Variants in PCDHA12 observed in about 807,000 individuals in gnomAD.
PCDHA12 encodes the protein protocadherin alpha 12.
In PCDHA12, 44 loss-of-function variants were observed where a neutral mutation model predicts 60.0. The observed-to-expected ratio is 0.73, with a 90% CI of 0.58 to 0.94. PCDHA12 has a LOEUF of 0.94. Ranked by LOEUF, PCDHA12 falls within the 40% of genes least tolerant of loss-of-function variation. The pLI is 0.00. For missense variants in PCDHA12, 1,276 were observed against 1,239.7 expected (o/e 1.03, Z -0.44); for synonymous variants, 569 against 553.0 (o/e 1.03, Z -0.40).
chr5:140,927,077 G>C (rs568623488), intron 1 of PCDHA12: 29 of 1,610,728 alleles, frequency 1.8e-5, no homozygotes, highest in Non-Finnish European at 2.5e-5. Flanking sequence ...TCCAGCCACC[G>C]CGAGCTCTAC....
intron 1 of PCDHA12, among the ~76,000 whole-genome samples, chr5:140,906,235 C>G (rs1319955366): frequency 1.3e-5 from 2 of 152,174 alleles, no homozygotes; most frequent in African/African-American, 4.8e-5. Flanking sequence ...CTCCCCTTGT[C>G]AACTTGAACC....
chr5:140,898,423 C>T (rs1257208141), intron 1 of PCDHA12, among the ~76,000 whole-genome samples: 1 of 152,106 alleles, frequency 6.6e-6, no homozygotes, highest in African/African-American at 2.4e-5. Flanking sequence ...GCCAGTTTTC[C>T]CAGCACCATT....
At chr5:140,991,205 A>C (rs1403144779) in intron 3 of PCDHA12, among the ~76,000 whole-genome samples, 3 of 152,226 alleles carry the variant, frequency 2.0e-5, no homozygotes, top group Admixed American at 2.0e-4. Context: ...TGCTCAATAA[A>C]TTTTGTTAAA....
intron 3 of PCDHA12, among the ~76,000 whole-genome samples, chr5:140,999,091 T>A (rs1342614556): frequency 2.0e-5 from 3 of 152,208 alleles, no homozygotes; most frequent in African/African-American, 7.2e-5. Flanking sequence ...TTCAGAGGGC[T>A]ATGGAGAGTA....
intron 3 of PCDHA12, among the ~76,000 whole-genome samples, chr5:140,991,152 C>T (rs533894396): frequency 4.1e-4 from 63 of 152,168 alleles, no homozygotes; most frequent in South Asian, 1.0e-3. Flanking sequence ...TTTTGCTCAC[C>T]ATTGTATTCC....
intron 1 of PCDHA12, chr5:140,929,119 G>T (rs2085835460): frequency 1.2e-6 from 2 of 1,614,192 alleles, no homozygotes; most frequent in Non-Finnish European, 1.7e-6. Context: ...AGCCACCATA[G>T]ATGTCACTAC....
intron 1 of PCDHA12, chr5:140,968,130 T>C: frequency 6.2e-7 from 1 of 1,614,114 alleles, no homozygotes; most frequent in Non-Finnish European, 8.5e-7. Flanking sequence ...CTGCGTACAC[T>C]GAAGGTTGAG....
At chr5:140,941,239 C>CTTTCTTTCTTTCT in intron 1 of PCDHA12, among the ~76,000 whole-genome samples, 1 of 134,600 alleles carries the variant, frequency 7.4e-6, no homozygotes, top group South Asian at 2.4e-4. Flanking sequence ...TTCTTTCTTT[C>CTTTCTTTCTTTCT]TTTCTTTCTT....
intron 1 of PCDHA12, among the ~76,000 whole-genome samples, chr5:140,922,582 G>T (rs548638056): frequency 6.6e-5 from 10 of 152,160 alleles, no homozygotes; most frequent in Non-Finnish European, 1.5e-4. Flanking sequence ...CCCTGTAGCC[G>T]CCAGTTCTCA....
rs1210767626 is a variant in PCDHA12 at position 141,010,197 on chromosome 5, C to T, written c.*260C>T. 1 of 1,552,200 alleles carries T rather than the reference C, an allele frequency of 6.4e-7. No homozygotes were observed. The highest frequency in any genetic ancestry group is 1.2e-5 in the South Asian group (1 of 84,134). On this transcript the variant is annotated 3_prime_UTR_variant, in exon 4 of 4. Coordinates refer to ENST00000398631, the MANE Select transcript of PCDHA12 (RefSeq NM_018903.4). ...AAAAGCAGACCCAAGTTTCCTTTCT[C>T]CTCCGCCGCAAAGGAGAGGCTTCCC...
chr5:140,966,620 G>A lies in PCDHA12; in HGVS notation c.2368-12329G>A, dbSNP rs2096027901. 8 of 837,888 alleles carry A rather than the reference G, an allele frequency of 9.5e-6. No homozygotes were observed. The East Asian group carries it at 2.6e-4, about 27-fold the overall frequency. 51.9% of individuals were successfully genotyped at this position (837,888 alleles called of 1,614,324 possible). A position where few individuals can be genotyped will look rare whatever the true frequency, so the allele number is the denominator to read the frequency against. On this transcript the variant is annotated intron_variant, in intron 1 of 3. Transcript: ENST00000398631. ...GAGCCCTTGGGAGGGCCTACGGAGG[G>A]AGCGGCCCCAGGCGCTTTCTAGAGC...
chr5:140,906,459 A>G (rs1217443805), intron 1 of PCDHA12, among the ~76,000 whole-genome samples: 1 of 152,236 alleles, frequency 6.6e-6, no homozygotes. Context: ...AAATGAAGAT[A>G]TTTTCTTAGT....
chr5:141,008,654 C>T (rs1554261865), intron 3 of PCDHA12, among the ~76,000 whole-genome samples: 1 of 152,124 alleles, frequency 6.6e-6, no homozygotes, highest in Non-Finnish European at 1.5e-5. Context: ...TTCTGGAGTC[C>T]CACAATACTT....
intron 1 of PCDHA12, among the ~76,000 whole-genome samples, chr5:140,897,824 A>G (rs1234550995): frequency 2.6e-5 from 4 of 152,016 alleles, no homozygotes; most frequent in African/African-American, 9.7e-5. Flanking sequence ...AAGTGTTCCT[A>G]TTTCTCCACA....
At chr5:140,917,690 G>C (rs2078307385) in intron 1 of PCDHA12, among the ~76,000 whole-genome samples, 1 of 152,108 alleles carries the variant, frequency 6.6e-6, no homozygotes, top group African/African-American at 2.4e-5. Context: ...TTTTGTTGAA[G>C]ATCAGATAAT....
At chr5:140,883,719 C>T in intron 1 of PCDHA12, 1 of 1,613,598 alleles carries the variant, frequency 6.2e-7, no homozygotes, top group Non-Finnish European at 8.5e-7. Context: ...GACGCGGACG[C>T]ACAGGAGAAC....
intron 1 of PCDHA12, among the ~76,000 whole-genome samples, chr5:140,949,776 A>G (rs1554219139): frequency 6.6e-6 from 1 of 151,716 alleles, no homozygotes; most frequent in Non-Finnish European, 1.5e-5. Flanking sequence ...AATATTTGAT[A>G]TGTTTAGATT....
intron 1 of PCDHA12, among the ~76,000 whole-genome samples, chr5:140,964,550 C>T (rs13359943): frequency 0.012 from 1,826 of 152,168 alleles, 28 homozygotes; most frequent in African/African-American, 0.042. Flanking sequence ...ATGGCAGCGA[C>T]TTGGAGGGCT....
chr5:140,895,225 G>A (rs1472993401), intron 1 of PCDHA12, among the ~76,000 whole-genome samples: 1 of 152,050 alleles, frequency 6.6e-6, no homozygotes, highest in African/African-American at 2.4e-5. Flanking sequence ...ATTTTACTGA[G>A]TTTTCTCATC....
Sources: allele counts gnomAD v4.1 joint callset (sites outside exome capture counted in the v4.1 genomes callset), GRCh38; gene constraint gnomAD v4.1.1; transcripts MANE v1.5; gene names NCBI Gene and HGNC (gene_info 2026-07-23, HGNC 2026-07-21).